The following PSMC3 variants were observed in gnomAD, a reference collection of about 807,000 sequenced individuals.
PSMC3 encodes 26S proteasome regulatory subunit 6A.
PSMC3 carries 11 observed loss-of-function variants against 52.0 expected under a neutral mutation model. The observed-to-expected ratio is 0.21, with a 90% CI of 0.13 to 0.35. PSMC3 has a LOEUF of 0.35. Among genes scored for constraint, PSMC3 ranks in the 10% least tolerant of loss-of-function variants. The pLI, the probability that PSMC3 is intolerant of heterozygous loss-of-function variation, is 1.00. For missense variants in PSMC3, 238 were observed against 567.1 expected, an observed-to-expected ratio of 0.42 and a Z score of 5.89; for synonymous variants, 201 against 218.8, an observed-to-expected ratio of 0.92 and a Z score of 0.72.
At chr11:47,423,855 T>C (rs891511453) in intron 6 of PSMC3, among the ~76,000 whole-genome samples, 191 bp downstream of exon 6, 4 of 150,728 alleles carry the variant, frequency 2.7e-5, no homozygotes, top group African/African-American at 9.8e-5. Context: ...CTGGCTCTGG[T>C]CTCTCTGTGA....
chr11:47,420,551 TC>T, intron 9 of PSMC3, 79 bp downstream of exon 9: 1 of 1,514,102 alleles, frequency 6.6e-7, no homozygotes, highest in Non-Finnish European at 9.0e-7. Flanking sequence ...TCATTCCAGC[TC>T]CACCACTGGC....
rs746598382 is a variant in PSMC3 at position 47,419,084 on chromosome 11, A to C, written c.1209+32T>G. The C allele has an allele frequency of 1.9e-6, 3 of 1,613,348 alleles. No individual in the cohort carries two copies. The African/African-American group carries it at 4.0e-5, about 22-fold the overall frequency. On this transcript the variant is annotated intron_variant, in intron 11 of 11. Coordinates refer to ENST00000298852, the MANE Select transcript of PSMC3 (RefSeq NM_002804.5). ...TCCAGGGAGGGGGCAAGAAGGCACA[A>C]AGCAACGCACCCACCCCAGCTGACC... is the stretch of plus-strand genomic sequence containing the variant.
chr11:47,423,520 C>T (rs181643108), intron 6 of PSMC3, among the ~76,000 whole-genome samples: 100 of 152,234 alleles, frequency 6.6e-4, no homozygotes, highest in Middle Eastern at 3.4e-3. Context: ...GGAGCAGTGG[C>T]TCATGCCTGT....
Position 47,424,306 on chromosome 11 carries a change from T to A in PSMC3, c.453+123A>T, listed in dbSNP as rs2096044007. 1 of 1,555,702 alleles carries A rather than the reference T, an allele frequency of 6.4e-7. No individual in the cohort carries two copies. The highest frequency in any genetic ancestry group is 8.9e-7 in the Non-Finnish European group (1 of 1,128,274). The stretch of plus-strand genomic sequence containing the variant: ...GGCAATACAAGAATCAAACAGCAAG[T>A]AGACAGAATCCCAGACTCTCGGAGC... On this transcript the variant is annotated intron_variant, in intron 5 of 11. Coordinates refer to ENST00000298852, the MANE Select transcript of PSMC3 (RefSeq NM_002804.5). The surrounding 1 kb of genome is among the most constrained non-coding windows in gnomAD (Gnocchi z 4.8).
rs2096041777 is a variant in PSMC3 at position 47,422,483 on chromosome 11, TG to T, written c.884+90del. On this transcript the variant is annotated intron_variant, in intron 8 of 11. Transcript: ENST00000298852. This position sits in a 1 kb window ranked among gnomAD's most constrained non-coding sequence, Gnocchi z 4.3. ...TCCAGGGGCAGGAGGGGATACAGGG[TG>T]GGAAGGAACCACAATTTAGCACAAC... 2 of 1,501,346 alleles carry T rather than the reference TG, an allele frequency of 1.3e-6. No homozygotes were observed. The highest frequency in any genetic ancestry group is 2.3e-5 in the East Asian group (1 of 44,012). 93.0% of individuals were successfully genotyped at this position (1,501,346 alleles called of 1,614,324 possible). A position where few individuals can be genotyped will look rare whatever the true frequency, so the allele number is the denominator to read the frequency against.
At chr11:47,423,170 C>T (rs929744698) in intron 6 of PSMC3, among the ~76,000 whole-genome samples, 197 bp from the exon 7 acceptor site, 9 of 152,062 alleles carry the variant, frequency 5.9e-5, no homozygotes, top group East Asian at 1.9e-4. Context: ...GAGGCTGAGG[C>T]GGGCGGATCA....
Position 47,422,502 on chromosome 11 carries a change from A to G in PSMC3, c.884+72T>C, listed in dbSNP as rs889627002. 21 of 1,570,414 alleles carry G rather than the reference A, an allele frequency of 1.3e-5. No homozygotes were observed. The Admixed American group carries it at 1.9e-4, about 14-fold the overall frequency. On this transcript the variant is annotated intron_variant, in intron 8 of 11. Coordinates refer to ENST00000298852, the MANE Select transcript of PSMC3 (RefSeq NM_002804.5). This position sits in a 1 kb window ranked among gnomAD's most constrained non-coding sequence, Gnocchi z 4.3. ...ACAGGGTGGGAAGGAACCACAATTT[A>G]GCACAACTGAGAGTCAACCCGCTTC...
In PSMC3 at chr11:47,426,207, C is replaced by A; in HGVS notation, c.73G>T (p.Glu25Ter). The part of the protein sequence containing the change: ...EKMATVWDEA[E>*]QDGIGEEVLK... ...CCGCCAGCTCGCCCGGTGCCCACCT[C>A]GGCCTCATCCCACACGGTCGCCATC... The change falls in exon 1 of 12, where the codon GAG becomes TAG. Residue 25 changes from glutamate (E) to a stop codon, truncating the protein, a stop_gained and splice_region_variant. Coordinates refer to ENST00000298852, the MANE Select transcript of PSMC3 (RefSeq NM_002804.5). LOFTEE classifies it high-confidence loss of function. 1.3e-6 allele frequency: 2 copies of A among 1,558,338 alleles called. No individual in the cohort carries two copies. Among genetic ancestry groups the A allele is most frequent in the Non-Finnish European group, 8.7e-7 (1 of 1,151,920 alleles).
chr11:47,419,090 C>T (rs375505008), intron 11 of PSMC3, 26 bp downstream of exon 11: 98 of 1,613,746 alleles, frequency 6.1e-5, no homozygotes, highest in South Asian at 3.0e-4. Flanking sequence ...CACAAAGCAA[C>T]GCACCCACCC....
At position 47,422,961 on chromosome 11, in the gene PSMC3, T is replaced by C. The variant is rs1309652081; in HGVS notation, c.604A>G (p.Ile202Val). ...DKQIQELVEA[I>V]VLPMNHKEKF... ...TCCTTGTGGTTCATTGGCAAGACAATGGCCTCCACCAGCTGCCAGGAGGAA... is the reference window on the plus strand; with the variant it reads ...TCCTTGTGGTTCATTGGCAAGACAACGGCCTCCACCAGCTGCCAGGAGGAA... Residue 202 changes from isoleucine to valine, a missense_variant, in exon 7 of 12, where the codon ATT becomes GTT. Ile to Val is a conservative substitution (Grantham distance 29). This residue lies in a region of PSMC3 where 60 missense variants were observed against 117.3 expected (regional missense o/e 0.51). Coordinates refer to ENST00000298852, the MANE Select transcript of PSMC3 (RefSeq NM_002804.5). The surrounding 1 kb of genome is among the most constrained non-coding windows in gnomAD (Gnocchi z 4.3). 1 of 1,611,132 alleles carries C rather than the reference T, an allele frequency of 6.2e-7. No homozygotes were observed. Among genetic ancestry groups the C allele is most frequent in the Non-Finnish European group, 8.5e-7 (1 of 1,178,562 alleles).
In PSMC3 at chr11:47,419,285, C is replaced by CA. The variant is rs1406686328; in HGVS notation, c.1128-89dup. ...ATCCTCCCCTGGCCCCGTCAAGCAA[C>CA]AAAGTCAAGTTGCCCTGTGATCAGA... On this transcript the variant is annotated intron_variant, in intron 10 of 11. Transcript: ENST00000298852. 6.3e-6 allele frequency: 9 copies of CA among 1,421,690 alleles called. No homozygotes were observed. The Admixed American group carries it at 1.6e-4, about 25-fold the overall frequency. 88.1% of individuals were successfully genotyped at this position (1,421,690 alleles called of 1,614,324 possible).
intron 10 of PSMC3, 71 bp from the exon 11 acceptor site, chr11:47,419,268 C>A: frequency 6.6e-7 from 1 of 1,517,840 alleles, no homozygotes. Flanking sequence ...ATATCCTCCC[C>A]TGGCCCCGTC....
At position 47,422,017 on chromosome 11, in the gene PSMC3, A is replaced by G. The variant is rs1461645889; in HGVS notation, c.884+557T>C. Among the ~76,000 whole-genome samples, 3 of 146,856 alleles carry G rather than the reference A, an allele frequency of 2.0e-5. No homozygotes were observed. The highest frequency in any genetic ancestry group is 4.5e-5 in the Non-Finnish European group (3 of 67,212). On this transcript the variant is annotated intron_variant, in intron 8 of 11. Transcript: ENST00000298852. The surrounding 1 kb of genome is among the most constrained non-coding windows in gnomAD (Gnocchi z 4.3). Reference sequence around the variant, plus strand: ...GGGTTCATGTGAGCGAGGTGGCCAGATTCCTGCTTTGGCTTTTTTTGTTTT... The same window carrying G: ...GGGTTCATGTGAGCGAGGTGGCCAGGTTCCTGCTTTGGCTTTTTTTGTTTT...
chr11:47,419,048 C>T (rs920244597), intron 11 of PSMC3, 68 bp downstream of exon 11: 7 of 1,608,288 alleles, frequency 4.4e-6, no homozygotes, highest in South Asian at 1.1e-5. Context: ...CAGCCAAATG[C>T]CCCCATCCTG....
At chr11:47,425,695 C>T (rs2096045573) in intron 2 of PSMC3, 172 bp downstream of exon 2, 2 of 599,720 alleles carry the variant, frequency 3.3e-6, no homozygotes, top group East Asian at 2.9e-5. Flanking sequence ...CCCTACCTGT[C>T]TTCTTGTCCC....
chr11:47,425,733 T>C lies in PSMC3; in HGVS notation c.159+134A>G, dbSNP rs2096045607. The stretch of plus-strand genomic sequence containing the variant: ...TTAAGGCTTAGTTTTCTTTCCTCTC[T>C]TCCTGATATGAGGGGGAAGCCCGAG... On this transcript the variant is annotated intron_variant, in intron 2 of 11. Coordinates refer to ENST00000298852, the MANE Select transcript of PSMC3 (RefSeq NM_002804.5). 3 of 741,986 alleles carry C rather than the reference T, an allele frequency of 4.0e-6. No homozygotes were observed. The Admixed American group carries it at 8.1e-5, about 20-fold the overall frequency. 46.0% of individuals were successfully genotyped at this position (741,986 alleles called of 1,614,324 possible). A position where few individuals can be genotyped will look rare whatever the true frequency, so the allele number is the denominator to read the frequency against.
At chr11:47,426,166 G>T in intron 1 of PSMC3, 39 bp downstream of exon 1, 1 of 1,541,188 alleles carries the variant, frequency 6.5e-7, no homozygotes, top group African/African-American at 1.4e-5. Flanking sequence ...TCTCCCTGCG[G>T]GCCCCGGTTC....
chr11:47,422,454 A>C lies in PSMC3; in HGVS notation c.884+120T>G. ...TTGGAATCTCAAGAGTTGAGGAGCC[A>C]CCATCCAGGGGCAGGAGGGGATACA... is the stretch of plus-strand genomic sequence containing the variant. On this transcript the variant is annotated intron_variant, in intron 8 of 11. Coordinates refer to ENST00000298852, the MANE Select transcript of PSMC3 (RefSeq NM_002804.5). This position sits in a 1 kb window ranked among gnomAD's most constrained non-coding sequence, Gnocchi z 4.3. 8.1e-7 allele frequency: 1 copy of C among 1,238,740 alleles called. No homozygotes were observed. Among genetic ancestry groups the C allele is most frequent in the East Asian group, 2.3e-5 (1 of 42,716 alleles). 76.7% of individuals were successfully genotyped at this position (1,238,740 alleles called of 1,614,324 possible).
intron 1 of PSMC3, 117 bp from the exon 2 acceptor site, chr11:47,426,067 G>A: frequency 1.4e-6 from 2 of 1,401,680 alleles, no homozygotes; most frequent in Non-Finnish European, 2.0e-6. Context: ...GATGGAGTCA[G>A]GACCCCTGCC....
Sources: allele counts gnomAD v4.1 joint callset (sites outside exome capture counted in the v4.1 genomes callset), GRCh38; gene constraint gnomAD v4.1.1; regional missense constraint gnomAD v4.1.1; non-coding constraint Gnocchi (gnomAD v3.1); transcripts MANE v1.5; gene names NCBI Gene and HGNC (gene_info 2026-07-23, HGNC 2026-07-21).